Variants in TRAPPC9 observed in about 807,000 individuals in gnomAD.
The protein encoded by TRAPPC9 is IKK2 binding protein.
In TRAPPC9, 83 loss-of-function variants were observed where a neutral mutation model predicts 124.0. That is an observed-to-expected ratio of 0.67 (90% confidence interval 0.56 to 0.80). The LOEUF is 0.80. Among genes scored for constraint, TRAPPC9 ranks in the 30% least tolerant of loss-of-function variants. The pLI is 0.00. For synonymous variants in TRAPPC9, 638 were observed against 617.5 expected, an observed-to-expected ratio of 1.03 and a Z score of -0.49; for missense variants, 1,302 against 1,508.3, an observed-to-expected ratio of 0.86 and a Z score of 2.27.
In TRAPPC9 at chr8:140,257,521, C is replaced by T. The variant is rs2064297611; in HGVS notation, c.2279-4592G>A. On this transcript the variant is annotated intron_variant, in intron 15 of 22. Coordinates refer to ENST00000438773, the MANE Select transcript of TRAPPC9 (RefSeq NM_001160372.4). The surrounding 1 kb of genome is among the most constrained non-coding windows in gnomAD (Gnocchi z 4.6). ...GTGGGAAAAAGGACCCCGTGCCATGCGAGCGCACAGGGGAGGGAGGAAAGA... is the reference window on the plus strand; with the variant it reads ...GTGGGAAAAAGGACCCCGTGCCATGTGAGCGCACAGGGGAGGGAGGAAAGA... Among the ~76,000 whole-genome samples the T allele has an allele frequency of 6.6e-6, 1 of 152,194 alleles. No homozygotes were observed. The highest frequency in any genetic ancestry group is 2.4e-5 in the African/African-American group (1 of 41,448).
intron 18 of TRAPPC9, among the ~76,000 whole-genome samples, chr8:140,007,569 C>T (rs1838842965): frequency 6.6e-6 from 1 of 152,046 alleles, no homozygotes; most frequent in African/African-American, 2.4e-5. Context: ...TTTAAAAATG[C>T]AAAATGCAAG....
chr8:140,350,272 G>A (rs2067517461), intron 9 of TRAPPC9, among the ~76,000 whole-genome samples: 1 of 140,100 alleles, frequency 7.1e-6, no homozygotes, highest in Admixed American at 6.9e-5. Flanking sequence ...GACGTCTGCT[G>A]CCACTTCCAC....
At chr8:139,952,240 G>A (rs147371307) in intron 19 of TRAPPC9, among the ~76,000 whole-genome samples, 1 of 152,266 alleles carries the variant, frequency 6.6e-6, no homozygotes, top group East Asian at 1.9e-4. Context: ...TGCGTAAGGG[G>A]CTTTTGTATC....
intron 18 of TRAPPC9, among the ~76,000 whole-genome samples, chr8:139,990,628 C>A (rs1003805549): frequency 6.6e-6 from 1 of 151,906 alleles, no homozygotes; most frequent in Non-Finnish European, 1.5e-5. Context: ...CTCTTGTCGT[C>A]CAGGCTGGAG....
intron 14 of TRAPPC9, among the ~76,000 whole-genome samples, chr8:140,281,791 C>T (rs1031128043): frequency 1.3e-5 from 2 of 152,128 alleles, no homozygotes; most frequent in South Asian, 2.1e-4. Context: ...TTTTATTCCC[C>T]GGTTATACGT....
intron 11 of TRAPPC9, among the ~76,000 whole-genome samples, chr8:140,295,480 C>A (rs2065780314): frequency 6.6e-6 from 1 of 152,194 alleles, no homozygotes; most frequent in African/African-American, 2.4e-5. Context: ...TCTGGGGCAG[C>A]AGTCGACCTT....
chr8:139,940,771 C>G (rs1257595530), intron 19 of TRAPPC9, among the ~76,000 whole-genome samples: 1 of 152,214 alleles, frequency 6.6e-6, no homozygotes, highest in Non-Finnish European at 1.5e-5. Context: ...CATGGCCGTA[C>G]AGAGCTTTGG....
At chr8:139,855,321 C>T (rs73364201) in intron 21 of TRAPPC9, among the ~76,000 whole-genome samples, 2,359 of 152,316 alleles carry the variant, frequency 0.015, 58 homozygotes, top group African/African-American at 0.053. Flanking sequence ...GAATCCCACG[C>T]TGCTCCCACG....
intron 17 of TRAPPC9, among the ~76,000 whole-genome samples, chr8:140,162,688 C>T (rs1184488498): frequency 6.6e-6 from 1 of 152,174 alleles, no homozygotes; most frequent in African/African-American, 2.4e-5. Context: ...CTGAACTCCT[C>T]ACTTAAAAAT....
At chr8:140,440,142 C>T (rs1248046199) in intron 2 of TRAPPC9, among the ~76,000 whole-genome samples, 2 of 152,160 alleles carry the variant, frequency 1.3e-5, no homozygotes, top group Non-Finnish European at 2.9e-5. Flanking sequence ...AAACGCCAGC[C>T]TTCGTTTGTC....
In TRAPPC9 at chr8:139,935,598, C is replaced by A. The variant is rs542227349; in HGVS notation, c.2811-25298G>T. On this transcript the variant is annotated intron_variant, in intron 19 of 22. Coordinates refer to ENST00000438773, the MANE Select transcript of TRAPPC9 (RefSeq NM_001160372.4). ...CTTCCCAGAGCTCCAAGCTGGGAAA[C>A]AGGGATATGATATGATATGGCATTT... Among the ~76,000 whole-genome samples the A allele has an allele frequency of 4.0e-5, 6 of 150,254 alleles. No individual in the cohort carries two copies. The East Asian group carries it at 5.9e-4, about 15-fold the overall frequency.
intron 21 of TRAPPC9, among the ~76,000 whole-genome samples, chr8:139,885,158 G>A (rs752592335): frequency 6.6e-6 from 1 of 152,166 alleles, no homozygotes; most frequent in Non-Finnish European, 1.5e-5. Flanking sequence ...AAATAGATGA[G>A]CTGATTAAAT....
Position 139,813,389 on chromosome 8 carries a change from C to T in TRAPPC9, c.3055+72490G>A, listed in dbSNP as rs150339954. Among the ~76,000 whole-genome samples, 1,168 of 152,334 alleles carry T rather than the reference C, an allele frequency of 7.7e-3. 14 individuals carry two copies. The highest frequency in any genetic ancestry group is 0.027 in the African/African-American group (1,104 of 41,574). On this transcript the variant is annotated intron_variant, in intron 21 of 22. Coordinates refer to ENST00000438773, the MANE Select transcript of TRAPPC9 (RefSeq NM_001160372.4). ...GCAACACGCTGCAGTGCCTCCCAGG[C>T]CCACGGCCAGCCCCCTTCTCCCATC...
chr8:139,798,995 C>G (rs1823284667), intron 21 of TRAPPC9, among the ~76,000 whole-genome samples: 1 of 152,104 alleles, frequency 6.6e-6, no homozygotes, highest in Non-Finnish European at 1.5e-5. Context: ...ATCGTGGCCT[C>G]CTACTCTTCC....
chr8:140,369,341 G>A (rs1049969641), intron 8 of TRAPPC9, among the ~76,000 whole-genome samples: 1 of 152,184 alleles, frequency 6.6e-6, no homozygotes, highest in African/African-American at 2.4e-5. Context: ...TCACATGTGA[G>A]AGGCACCTGT....
chr8:139,733,490 G>T (rs1817969209), intron 21 of TRAPPC9, among the ~76,000 whole-genome samples: 1 of 152,166 alleles, frequency 6.6e-6, no homozygotes, highest in Non-Finnish European at 1.5e-5. Flanking sequence ...ACCTGCTGTG[G>T]CCCTGTTGTG....
chr8:139,885,091 A>C (rs529251926), intron 21 of TRAPPC9, among the ~76,000 whole-genome samples: 1 of 152,344 alleles, frequency 6.6e-6, no homozygotes, highest in South Asian at 2.1e-4. Context: ...CTCTTGGGTA[A>C]AGAAGAGGAA....
In TRAPPC9 at chr8:140,252,802, C is replaced by A; in HGVS notation, c.2406G>T (p.Glu802Asp). The A allele has an allele frequency of 1.2e-6, 2 of 1,614,074 alleles. No homozygotes were observed. Among genetic ancestry groups the A allele is most frequent in the Non-Finnish European group, 1.7e-6 (2 of 1,179,990 alleles). ...CATCACTGAGATCCTGCAGGAGATT[C>A]TCCTGGCAGGAGAAATCCAGCTTCA... is the stretch of plus-strand genomic sequence containing the variant. ...IKVKLDFSCQ[E>D]NLLQDLSDDG... is the part of the protein sequence containing the mutation. The change falls in exon 16 of 23, where the codon GAG (glutamate) becomes GAT (aspartate). Residue 802 changes from glutamate to aspartate, a missense_variant. Glu to Asp is a conservative substitution (Grantham distance 45). Coordinates refer to ENST00000438773, the MANE Select transcript of TRAPPC9 (RefSeq NM_001160372.4). The surrounding 1 kb of genome is among the most constrained non-coding windows in gnomAD (Gnocchi z 4.2).
chr8:139,974,384 C>A (rs1398021773), intron 19 of TRAPPC9, among the ~76,000 whole-genome samples: 1 of 152,192 alleles, frequency 6.6e-6, no homozygotes, highest in Non-Finnish European at 1.5e-5. Context: ...GCTAACCCAA[C>A]ATCTCCCCGT....
Sources: allele counts gnomAD v4.1 joint callset (sites outside exome capture counted in the v4.1 genomes callset), GRCh38; gene constraint gnomAD v4.1.1; non-coding constraint Gnocchi (gnomAD v3.1); transcripts MANE v1.5; gene names NCBI Gene and HGNC (gene_info 2026-07-23, HGNC 2026-07-21).